Variants in ROBO1 observed in about 807,000 individuals in gnomAD.
The protein encoded by ROBO1 is roundabout homolog 1.
ROBO1 carries 149 observed loss-of-function variants against 195.9 expected under a neutral mutation model. The observed-to-expected ratio is 0.76, with a 90% confidence interval of 0.67 to 0.87. The LOEUF (loss-of-function observed/expected upper bound fraction) is 0.87, where lower values mean the gene tolerates loss of function less well. ROBO1 is among the 40% of genes least tolerant of loss of function. ROBO1 has a pLI of 0.00. For missense variants in ROBO1, 1,933 were observed against 2,068.3 expected (o/e 0.93, Z 1.27); for synonymous variants, 816 against 733.2 (o/e 1.11, Z -1.82).
chr3:79,718,256 T>G (rs1392597828), intron 1 of ROBO1, among the ~76,000 whole-genome samples: 1 of 151,992 alleles, frequency 6.6e-6, no homozygotes, highest in Admixed American at 6.6e-5. Flanking sequence ...CAGAACAAAT[T>G]TCAAGGCAAT....
intron 3 of ROBO1, among the ~76,000 whole-genome samples, chr3:79,083,426 C>T (rs567182898): frequency 3.0e-4 from 46 of 152,228 alleles, no homozygotes; most frequent in African/African-American, 1.1e-3. Context: ...GTCTATCTAT[C>T]TGATGGTAAA....
At chr3:78,682,097 A>G (rs1184908963) in intron 10 of ROBO1, among the ~76,000 whole-genome samples, 1 of 152,032 alleles carries the variant, frequency 6.6e-6, no homozygotes, top group Non-Finnish European at 1.5e-5. Flanking sequence ...AAATTCAAAG[A>G]TATCTACAAA....
At chr3:78,936,589 T>C (rs1034088141) in intron 4 of ROBO1, among the ~76,000 whole-genome samples, 3 of 152,044 alleles carry the variant, frequency 2.0e-5, no homozygotes, top group African/African-American at 4.8e-5. Flanking sequence ...CTTGCGATTA[T>C]CCCCTAGACA....
chr3:78,788,030 C>G (rs932342877), intron 4 of ROBO1, among the ~76,000 whole-genome samples: 1 of 150,358 alleles, frequency 6.7e-6, no homozygotes, highest in Admixed American at 6.7e-5. Context: ...AGCTCCACCT[C>G]CCGGGTTGAC....
intron 2 of ROBO1, among the ~76,000 whole-genome samples, chr3:79,127,868 T>C (rs938798563): frequency 6.6e-6 from 1 of 152,210 alleles, no homozygotes; most frequent in Non-Finnish European, 1.5e-5. Flanking sequence ...AGAATAGATC[T>C]TTGCATTAAT....
intron 2 of ROBO1, among the ~76,000 whole-genome samples, chr3:79,214,655 G>C (rs989668658): frequency 1.3e-5 from 2 of 151,556 alleles, no homozygotes; most frequent in Non-Finnish European, 2.9e-5. Flanking sequence ...TATATGCCAG[G>C]AGGCATGAAG....
At chr3:78,767,141 T>C (rs2108400375) in intron 4 of ROBO1, among the ~76,000 whole-genome samples, 1 of 152,304 alleles carries the variant, frequency 6.6e-6, no homozygotes, top group East Asian at 1.9e-4. Flanking sequence ...ATAGAATGAA[T>C]TAGGGAGGGT....
chr3:79,622,175 C>A (rs1945028509), intron 1 of ROBO1, among the ~76,000 whole-genome samples: 1 of 152,126 alleles, frequency 6.6e-6, no homozygotes, highest in African/African-American at 2.4e-5. Flanking sequence ...AGGGAAACTG[C>A]TTTTTCCATG....
At chr3:79,161,639 C>T (rs965558383) in intron 2 of ROBO1, among the ~76,000 whole-genome samples, 1 of 152,088 alleles carries the variant, frequency 6.6e-6, no homozygotes, top group African/African-American at 2.4e-5. Flanking sequence ...CACATTTACA[C>T]CATAACTTTG....
intron 4 of ROBO1, among the ~76,000 whole-genome samples, chr3:78,880,978 G>A (rs990710101): frequency 2.0e-5 from 3 of 152,156 alleles, no homozygotes; most frequent in Admixed American, 6.5e-5. Flanking sequence ...TCAGTGGTCA[G>A]ACCCTGATAG....
chr3:78,679,864 G>A (rs201804039), intron 10 of ROBO1, among the ~76,000 whole-genome samples: 23 of 151,968 alleles, frequency 1.5e-4, no homozygotes, highest in Middle Eastern at 6.8e-3. Flanking sequence ...AAAAGAGCCC[G>A]CATCGCCAAG....
chr3:78,845,072 A>T (rs1021357464), intron 4 of ROBO1, among the ~76,000 whole-genome samples: 1 of 152,122 alleles, frequency 6.6e-6, no homozygotes, highest in Non-Finnish European at 1.5e-5. Flanking sequence ...CTACCTTAAG[A>T]CTTATTACAA....
At chr3:78,829,464 G>C (rs2031946101) in intron 4 of ROBO1, among the ~76,000 whole-genome samples, 1 of 152,096 alleles carries the variant, frequency 6.6e-6, no homozygotes, top group Non-Finnish European at 1.5e-5. Context: ...TGTAGGCTTG[G>C]TCTGGCCTTG....
chr3:79,008,700 C>T (rs547111281), intron 3 of ROBO1, among the ~76,000 whole-genome samples: 2 of 151,474 alleles, frequency 1.3e-5, no homozygotes, highest in East Asian at 3.9e-4. Flanking sequence ...CTCATCCACC[C>T]GCCTCAGCTT....
At chr3:79,100,020 A>G (rs180967512) in intron 3 of ROBO1, among the ~76,000 whole-genome samples, 1 of 151,884 alleles carries the variant, frequency 6.6e-6, no homozygotes, top group Non-Finnish European at 1.5e-5. Context: ...TTAGCGGGGA[A>G]AGAAATACCA....
intron 30 of ROBO1, among the ~76,000 whole-genome samples, chr3:78,599,196 T>C (rs1378089682): frequency 6.6e-6 from 1 of 151,960 alleles, no homozygotes; most frequent in Non-Finnish European, 1.5e-5. Context: ...AGGAATGTGT[T>C]GAGTTATCTA....
chr3:78,771,074 A>T (rs2083362816), intron 4 of ROBO1, among the ~76,000 whole-genome samples: 1 of 152,196 alleles, frequency 6.6e-6, no homozygotes, highest in Admixed American at 6.5e-5. Context: ...ATCAAAAAAA[A>T]AAAATCTGTA....
chr3:79,312,294 A>G (rs2033523091), intron 2 of ROBO1, among the ~76,000 whole-genome samples: 1 of 152,196 alleles, frequency 6.6e-6, no homozygotes, highest in Non-Finnish European at 1.5e-5. Context: ...ATCTGGATAT[A>G]GAGCACATCA....
chr3:78,667,760 T>G, intron 14 of ROBO1, 123 bp downstream of exon 14: 1 of 949,244 alleles, frequency 1.1e-6, no homozygotes, highest in South Asian at 2.0e-5. Flanking sequence ...TTAAGCAACT[T>G]GGGCAACTTG....
Sources: gnomAD v4.1 joint callset for allele counts (sites outside exome capture counted in the v4.1 genomes callset) on GRCh38, gnomAD v4.1.1 for gene constraint, MANE v1.5 for transcripts, NCBI Gene and HGNC (gene_info 2026-07-23, HGNC 2026-07-21) for gene names.